The following SPPL2B variants were observed in gnomAD, a reference collection of about 807,000 sequenced individuals.
SPPL2B encodes the protein signal peptide peptidase like 2B, also known as signal peptide peptidase-like 2B.
In SPPL2B, 39 loss-of-function variants were observed where a neutral mutation model predicts 59.7. The observed-to-expected ratio is 0.65, with a 90% CI of 0.51 to 0.85. The LOEUF (loss-of-function observed/expected upper bound fraction) is 0.85, where lower values mean the gene tolerates loss of function less well. Among genes scored for constraint, SPPL2B ranks in the 40% least tolerant of loss-of-function variants. The pLI, the probability that SPPL2B is intolerant of heterozygous loss-of-function variation, is 0.00. For missense variants in SPPL2B, 865 were observed against 849.0 expected (o/e 1.02, Z -0.23); for synonymous variants, 419 against 370.8 (o/e 1.13, Z -1.49).
At chr19:2,328,883 G>C (rs886513820) in intron 1 of SPPL2B, 108 bp downstream of exon 1, 5 of 1,001,666 alleles carry the variant, frequency 5.0e-6, no homozygotes, top group Non-Finnish European at 6.6e-6. Flanking sequence ...TGGGGGTCCA[G>C]CCTCGGGGAT....
chr19:2,328,842 ACGCGCAGGAACGAC>A (rs1968127991), intron 1 of SPPL2B, 67 bp downstream of exon 1: 2 of 1,260,862 alleles, frequency 1.6e-6, no homozygotes, highest in African/African-American at 3.2e-5. Context: ...TCCCCGGGCT[ACGCGCAGGAACGAC>A]CCCGCTCGGC....
At chr19:2,345,152 C>T (rs1599235564) in intron 12 of SPPL2B, 101 bp from the exon 13 acceptor site, 1 of 891,382 alleles carries the variant, frequency 1.1e-6, no homozygotes, top group East Asian at 2.5e-5. Context: ...AGCGAGAGGC[C>T]CACGGCGCCC....
rs563215339 is a variant in SPPL2B at position 2,328,929 on chromosome 19, G to T, written c.66+154G>T. On this transcript the variant is annotated intron_variant, in intron 1 of 14. Coordinates refer to ENST00000613503, the MANE Select transcript of SPPL2B (RefSeq NM_152988.3). ...CGCGTTGTCGGCCGGCGGTGCCGGGGCTCGGCCGTGACCTTGCGGGTCTGT... is the reference window on the plus strand; with the variant it reads ...CGCGTTGTCGGCCGGCGGTGCCGGGTCTCGGCCGTGACCTTGCGGGTCTGT... Among the ~76,000 whole-genome samples the T allele has an allele frequency of 1.8e-4, 28 of 152,270 alleles. No homozygotes were observed. The East Asian group carries it at 5.0e-3, about 27-fold the overall frequency.
At chr19:2,348,688 C>T (rs1969657554) in intron 13 of SPPL2B, among the ~76,000 whole-genome samples, 2 of 145,432 alleles carry the variant, frequency 1.4e-5, no homozygotes, top group East Asian at 2.1e-4. Context: ...CGCTCTCATT[C>T]GCTTGATTCC....
intron 13 of SPPL2B, among the ~76,000 whole-genome samples, chr19:2,349,669 G>A (rs1438271202): frequency 9.8e-6 from 1 of 102,182 alleles, no homozygotes; most frequent in African/African-American, 5.4e-5. Context: ...ACACACACTC[G>A]TGTTCTCATT....
intron 4 of SPPL2B, 29 bp from the exon 5 acceptor site, chr19:2,339,040 G>A (rs1804767647): frequency 8.5e-6 from 13 of 1,536,470 alleles, no homozygotes; most frequent in East Asian, 2.5e-5. Context: ...TGGCTCTGAC[G>A]CCTGCCTCCG....
chr19:2,351,836 G>A (rs1340491820), intron 14 of SPPL2B, among the ~76,000 whole-genome samples: 1 of 151,166 alleles, frequency 6.6e-6, no homozygotes, highest in African/African-American at 2.4e-5. Context: ...GGTGGGACGC[G>A]GGGGTGCCGG....
chr19:2,345,221 C>G, intron 12 of SPPL2B, 32 bp from the exon 13 acceptor site: 1 of 1,604,464 alleles, frequency 6.2e-7, no homozygotes, highest in Non-Finnish European at 8.5e-7. Context: ...CTCTGCGGGC[C>G]CGAGTAAGCC....
chr19:2,340,546 C>T, intron 7 of SPPL2B: 1 of 579,588 alleles, frequency 1.7e-6, no homozygotes, highest in Non-Finnish European at 3.2e-6. Context: ...CCAACAAAGT[C>T]AGACCTGGGT....
Position 2,352,959 on chromosome 19 carries a change from C to G in SPPL2B, c.1529C>G (p.Pro510Arg). The stretch of plus-strand genomic sequence containing the variant: ...CTTCTCCTGTAGAAAGTCCTACCTC[C>G]ATCTCCGTGGGCCCCAGCACCAGCC... ...TGSGFAKVLP[P>R]SPWAPAPADG... The change falls in exon 15 of 15, where the codon CCA becomes CGA. Residue 510 changes from proline (P) to arginine (R), a missense_variant. By Grantham distance (103) the Pro-to-Arg change is moderately radical. Transcript: ENST00000613503. 1 of 1,612,146 alleles carries G rather than the reference C, an allele frequency of 6.2e-7. No individual in the cohort carries two copies.
intron 7 of SPPL2B, chr19:2,340,604 C>G (rs1009577293): frequency 1.8e-6 from 1 of 548,472 alleles, no homozygotes; most frequent in South Asian, 2.0e-5. Context: ...TGTTGCCGTC[C>G]CTGGGTGAGG....
intron 7 of SPPL2B, chr19:2,340,428 G>A (rs953660110): frequency 3.3e-5 from 21 of 633,786 alleles, no homozygotes; most frequent in Admixed American, 1.5e-4. Context: ...GCCCCAGGTC[G>A]CAGGCCGAAC....
intron 1 of SPPL2B, among the ~76,000 whole-genome samples, chr19:2,330,070 A>G (rs1968199994): frequency 6.6e-6 from 1 of 151,932 alleles, no homozygotes; most frequent in African/African-American, 2.4e-5. Context: ...CTCTGTGGAG[A>G]GAGGGACTCA....
intron 9 of SPPL2B, among the ~76,000 whole-genome samples, chr19:2,343,734 G>A (rs879678776): frequency 5.9e-5 from 9 of 152,130 alleles, no homozygotes; most frequent in Non-Finnish European, 1.3e-4. Flanking sequence ...CCGCCCTCCC[G>A]TCCCCGCCTT....
Position 2,339,961 on chromosome 19 carries a change from T to C in SPPL2B, c.737T>C (p.Leu246Pro), listed in dbSNP as rs762272680. Residue 246 changes from leucine to proline, a missense_variant, in exon 6 of 15, where the codon CTC (leucine) becomes CCC (proline). Physicochemically the swap from Leu to Pro is moderately conservative, Grantham distance 98. Coordinates refer to ENST00000613503, the MANE Select transcript of SPPL2B (RefSeq NM_152988.3). Reference protein sequence around the residue: ...MLVLLYYFYDLLVYVVIGIFC... With the variant: ...MLVLLYYFYDPLVYVVIGIFC... ...GTGCTGCTCTACTATTTCTACGATC[T>C]CCTCGGTGCGCGGCCCCGGGCGGGT... 2.0e-5 allele frequency: 31 copies of C among 1,553,374 alleles called. No individual in the cohort carries two copies. Among genetic ancestry groups the C allele is most frequent in the Non-Finnish European group, 2.7e-5 (31 of 1,147,886 alleles).
At chr19:2,347,127 A>G (rs1969418877) in intron 13 of SPPL2B, among the ~76,000 whole-genome samples, 1 of 151,478 alleles carries the variant, frequency 6.6e-6, no homozygotes, top group Admixed American at 6.6e-5. Flanking sequence ...CTCTCCCTCC[A>G]CACACACTTA....
At chr19:2,331,131 C>T (rs180808142) in intron 1 of SPPL2B, among the ~76,000 whole-genome samples, 2 of 152,196 alleles carry the variant, frequency 1.3e-5, no homozygotes, top group African/African-American at 2.4e-5. Context: ...CCACGGAGCC[C>T]GCTCCTCAGC....
intron 13 of SPPL2B, among the ~76,000 whole-genome samples, chr19:2,349,879 C>A (rs1440985585): frequency 6.9e-6 from 1 of 144,664 alleles, no homozygotes; most frequent in Admixed American, 6.9e-5. Flanking sequence ...TCTCTCTCTC[C>A]ACACACACTC....
rs1388751602 is a variant in SPPL2B at position 2,353,174 on chromosome 19, C to CCGT, written c.1746_1748dup (p.Ser583dup). The stretch of plus-strand genomic sequence containing the variant: ...ATCCGAGGGCCGGGACCAGGCCCAG[C>CCGT]CGTCCCCGGTAACCCAGCCTGGCGC... On this transcript the variant is annotated inframe_insertion, in exon 15 of 15. Transcript: ENST00000613503. The CCGT allele has an allele frequency of 1.2e-6, 2 of 1,607,748 alleles. No homozygotes were observed. Among genetic ancestry groups the CCGT allele is most frequent in the Non-Finnish European group, 1.7e-6 (2 of 1,179,186 alleles).
Sources: allele counts gnomAD v4.1 joint callset (sites outside exome capture counted in the v4.1 genomes callset), GRCh38; gene constraint gnomAD v4.1.1; transcripts MANE v1.5; gene names NCBI Gene and HGNC (gene_info 2026-07-23, HGNC 2026-07-21).